The following SLC16A10 variants were observed in gnomAD, a reference collection of about 807,000 sequenced individuals.
SLC16A10 encodes the protein monocarboxylate transporter 10.
Under a neutral mutation model 40.0 loss-of-function variants are expected in SLC16A10, and 27 were observed. The ratio of observed to expected loss-of-function variants is 0.67; its 90% confidence interval spans 0.50 to 0.93. The LOEUF is 0.93. Ranked by LOEUF, SLC16A10 falls within the 40% of genes least tolerant of loss-of-function variation. SLC16A10 has a pLI of 0.00. For missense variants in SLC16A10, 529 were observed against 658.2 expected, an observed-to-expected ratio of 0.80 and a Z score of 2.15; for synonymous variants, 213 against 249.8, an observed-to-expected ratio of 0.85 and a Z score of 1.39.
At chr6:111,216,387 G>A (rs1773421056) in intron 4 of SLC16A10, among the ~76,000 whole-genome samples, 1 of 151,910 alleles carries the variant, frequency 6.6e-6, no homozygotes, top group South Asian at 2.1e-4. Flanking sequence ...TTTTTCAAAT[G>A]CCCAACTCGT....
chr6:111,204,899 C>T (rs987450581), intron 3 of SLC16A10, among the ~76,000 whole-genome samples: 7 of 151,960 alleles, frequency 4.6e-5, no homozygotes, highest in Non-Finnish European at 8.8e-5. Context: ...TATGTTATTT[C>T]GCTGAGCCCT....
chr6:111,213,880 TG>T (rs1773382134), intron 4 of SLC16A10, among the ~76,000 whole-genome samples: 1 of 152,224 alleles, frequency 6.6e-6, no homozygotes, highest in Admixed American at 6.5e-5. Flanking sequence ...CTGTCCTGGG[TG>T]CCTAGCCAGA....
chr6:111,187,479 C>G (rs527440386), intron 3 of SLC16A10, among the ~76,000 whole-genome samples: 5 of 152,242 alleles, frequency 3.3e-5, no homozygotes, highest in South Asian at 4.2e-4. Context: ...CACTCCTCCC[C>G]CTGCCCTACA....
chr6:111,158,173 AT>A (rs1772306213), intron 1 of SLC16A10, among the ~76,000 whole-genome samples: 1 of 152,158 alleles, frequency 6.6e-6, no homozygotes, highest in Admixed American at 6.5e-5. Flanking sequence ...GTAGTCTGTC[AT>A]TTTTAAAGTG....
chr6:111,212,805 A>T (rs1773365028), intron 4 of SLC16A10, among the ~76,000 whole-genome samples: 2 of 87,844 alleles, frequency 2.3e-5, no homozygotes, highest in Admixed American at 1.3e-4. Context: ...AAAAATAAAA[A>T]AATAAAAAAA....
intron 1 of SLC16A10, among the ~76,000 whole-genome samples, chr6:111,128,174 T>C (rs1334675395): frequency 6.6e-6 from 1 of 152,220 alleles, no homozygotes; most frequent in Non-Finnish European, 1.5e-5. Context: ...ACTGTTATCA[T>C]CAATTGGTTA....
intron 3 of SLC16A10, among the ~76,000 whole-genome samples, chr6:111,183,826 C>T (rs1363609494): frequency 6.6e-6 from 1 of 152,090 alleles, no homozygotes; most frequent in African/African-American, 2.4e-5. Flanking sequence ...GTCTTCAGTA[C>T]CCACTGAAAA....
chr6:111,182,645 A>G lies in SLC16A10; in HGVS notation c.942+4980A>G, dbSNP rs1562424993. Among the ~76,000 whole-genome samples, 9 of 152,038 alleles carry G rather than the reference A, an allele frequency of 5.9e-5. No homozygotes were observed. The South Asian group carries it at 1.9e-3, about 32-fold the overall frequency. On this transcript the variant is annotated intron_variant, in intron 3 of 5. Transcript: ENST00000368851. Reference sequence around the variant, plus strand: ...CTGTATATCCAGCTGCTTACTTAACATCTCCACTTGGGTAACTGCTAGGTG... The same window carrying G: ...CTGTATATCCAGCTGCTTACTTAACGTCTCCACTTGGGTAACTGCTAGGTG...
intron 1 of SLC16A10, among the ~76,000 whole-genome samples, chr6:111,096,964 C>A (rs1771085163): frequency 6.6e-6 from 1 of 152,082 alleles, no homozygotes; most frequent in African/African-American, 2.4e-5. Context: ...GGATTACAGG[C>A]ACATACCACC....
At chr6:111,176,950 A>G (rs7745038) in intron 2 of SLC16A10, among the ~76,000 whole-genome samples, 2,332 of 152,318 alleles carry the variant, frequency 0.015, 69 homozygotes, top group African/African-American at 0.053. Context: ...ATCCACAGAA[A>G]GAGGTGGCTG....
intron 1 of SLC16A10, among the ~76,000 whole-genome samples, chr6:111,120,127 A>G (rs544265525): frequency 1.6e-4 from 24 of 152,374 alleles, no homozygotes; most frequent in African/African-American, 5.8e-4. Flanking sequence ...TTGCAGAACC[A>G]CACTGACACT....
intron 1 of SLC16A10, among the ~76,000 whole-genome samples, chr6:111,141,762 A>G (rs1473915168): frequency 1.3e-5 from 2 of 152,252 alleles, no homozygotes; most frequent in African/African-American, 2.4e-5. Flanking sequence ...TAAGAGATAT[A>G]TAAGTAAAAC....
chr6:111,193,185 C>G, intron 3 of SLC16A10: 31 of 480,340 alleles, frequency 6.5e-5, no homozygotes, highest in South Asian at 9.0e-5. Context: ...ATTAAGACAC[C>G]TTCTCTCCTT....
intron 3 of SLC16A10, chr6:111,178,462 C>T: frequency 1.9e-6 from 1 of 530,412 alleles, no homozygotes; most frequent in Non-Finnish European, 3.9e-6. Flanking sequence ...GGGGTTGGTG[C>T]CTCACGCCTG....
chr6:111,155,153 C>A (rs1412640315), intron 1 of SLC16A10, among the ~76,000 whole-genome samples: 1 of 151,460 alleles, frequency 6.6e-6, no homozygotes, highest in African/African-American at 2.4e-5. Context: ...GGGTACACCG[C>A]ACAATCTTCC....
chr6:111,152,267 C>T (rs1772185202), intron 1 of SLC16A10, among the ~76,000 whole-genome samples: 1 of 152,148 alleles, frequency 6.6e-6, no homozygotes, highest in South Asian at 2.1e-4. Context: ...AGCATATCAA[C>T]AGTTCTTTCT....
At chr6:111,139,448 C>T (rs369698782) in intron 1 of SLC16A10, among the ~76,000 whole-genome samples, 11 of 152,028 alleles carry the variant, frequency 7.2e-5, no homozygotes, top group Non-Finnish European at 1.5e-4. Context: ...ACTACAGGCG[C>T]GTGCCACCAC....
chr6:111,193,180 GACACC>G, intron 3 of SLC16A10: 1 of 483,698 alleles, frequency 2.1e-6, no homozygotes, highest in Non-Finnish European at 2.7e-6. Flanking sequence ...GAATGATTAA[GACACC>G]TTCTCTCCTT....
At chr6:111,156,937 G>C (rs557780640) in intron 1 of SLC16A10, among the ~76,000 whole-genome samples, 9 of 152,100 alleles carry the variant, frequency 5.9e-5, no homozygotes, top group South Asian at 4.1e-4. Context: ...ATTTTATTTT[G>C]AGACGGAGTC....
Sources: gnomAD v4.1 joint callset for allele counts (sites outside exome capture counted in the v4.1 genomes callset) on GRCh38, gnomAD v4.1.1 for gene constraint, MANE v1.5 for transcripts, NCBI Gene and HGNC (gene_info 2026-07-23, HGNC 2026-07-21) for gene names.